The following FRYL variants were observed in gnomAD, a reference collection of about 807,000 sequenced individuals.
FRYL encodes FRY like transcription coactivator.
Under a neutral mutation model 351.2 loss-of-function variants are expected in FRYL, and 150 were observed. That is an observed-to-expected ratio of 0.43 (90% CI 0.37 to 0.49). The LOEUF is 0.49. FRYL is among the 20% of genes least tolerant of loss of function. FRYL has a pLI of 0.00. For missense variants in FRYL, 3,036 were observed against 3,619.3 expected (o/e 0.84, Z 4.13); for synonymous variants, 1,153 against 1,257.1 (o/e 0.92, Z 1.75).
chr4:48,648,716 T>C (rs1291344721), intron 3 of FRYL, among the ~76,000 whole-genome samples: 1 of 152,196 alleles, frequency 6.6e-6, no homozygotes, highest in Non-Finnish European at 1.5e-5. Context: ...ATACATGTTA[T>C]GACATAAATG....
intron 47 of FRYL, 132 bp from the exon 48 acceptor site, chr4:48,535,959 G>A (rs1026450681): frequency 2.3e-5 from 15 of 653,380 alleles, no homozygotes; most frequent in South Asian, 1.6e-4. Context: ...ACTTCAATAC[G>A]TTAGAAAAGT....
chr4:48,586,627 A>G lies in FRYL; in HGVS notation c.1742T>C (p.Leu581Ser). Residue 581 changes from leucine (L) to serine (S), a missense_variant, in exon 19 of 64, where the codon TTA becomes TCA. Around this residue, in one of 7 missense-constraint regions of FRYL, gnomAD observed 78 missense variants for 106.6 expected, o/e 0.73. Coordinates refer to ENST00000358350, the MANE Select transcript of FRYL (RefSeq NM_015030.2). ...AACAGTAATTCTCATTTACCTTGCT[A>G]ACAATTCAATCAGGTCAGTTCTGCT... Reference protein sequence around the residue: ...GMSRTDLIELLARLTIHMDEE... With the variant: ...GMSRTDLIELSARLTIHMDEE... The G allele has an allele frequency of 6.2e-7, 1 of 1,603,842 alleles. No homozygotes were observed.
intron 27 of FRYL, among the ~76,000 whole-genome samples, chr4:48,569,553 C>T (rs1166121019): frequency 6.6e-6 from 1 of 152,202 alleles, no homozygotes; most frequent in East Asian, 1.9e-4. Context: ...CCTCCTTGGC[C>T]TCCCAAAGTG....
intron 1 of FRYL, among the ~76,000 whole-genome samples, chr4:48,741,575 T>C (rs1772078330): frequency 6.6e-6 from 1 of 151,918 alleles, no homozygotes; most frequent in Non-Finnish European, 1.5e-5. Flanking sequence ...TGGTTGGACA[T>C]GACTGTAGTC....
intron 4 of FRYL, among the ~76,000 whole-genome samples, chr4:48,630,394 T>G (rs1368843076): frequency 6.6e-6 from 1 of 152,066 alleles, no homozygotes; most frequent in East Asian, 1.9e-4. Context: ...TCAAAAAAAA[T>G]AGTGAAAATT....
intron 3 of FRYL, among the ~76,000 whole-genome samples, chr4:48,639,169 C>T (rs1158220080): frequency 2.0e-5 from 3 of 151,646 alleles, no homozygotes; most frequent in African/African-American, 7.3e-5. Flanking sequence ...AGGTCTACCC[C>T]CCAAGTTAAT....
rs768127961 is a variant in FRYL, at chr4:48,620,603, AAT to A, written c.314+34_314+35del. On this transcript the variant is annotated intron_variant, in intron 6 of 63. Transcript: ENST00000358350. ...ATCACCCCTTCATTGGAAGTGTGTT[AAT>A]TCCAGGTGAAACAGTGTAAAATAAA... 1.9e-6 allele frequency: 3 copies of A among 1,569,498 alleles called. No homozygotes were observed. In the Admixed American group the frequency reaches 5.3e-5, roughly 28 times the overall value.
chr4:48,607,748 T>G (rs1747168242), intron 9 of FRYL, among the ~76,000 whole-genome samples: 1 of 152,196 alleles, frequency 6.6e-6, no homozygotes, highest in African/African-American at 2.4e-5. Flanking sequence ...TTAGTATTGC[T>G]CTAAAGTGGC....
chr4:48,678,211 G>T (rs1764039261), intron 3 of FRYL, among the ~76,000 whole-genome samples: 1 of 152,110 alleles, frequency 6.6e-6, no homozygotes, highest in Non-Finnish European at 1.5e-5. Flanking sequence ...GGCCAACATG[G>T]TGAAAATGAT....
intron 53 of FRYL, among the ~76,000 whole-genome samples, chr4:48,525,863 T>G (rs1726054964): frequency 6.6e-6 from 1 of 151,964 alleles, no homozygotes; most frequent in Non-Finnish European, 1.5e-5. Context: ...GTGTATGAGC[T>G]GTATATGAGT....
chr4:48,658,838 A>C (rs1474901898), intron 3 of FRYL, among the ~76,000 whole-genome samples: 2 of 118,704 alleles, frequency 1.7e-5, no homozygotes, highest in Admixed American at 9.2e-5. Flanking sequence ...TTACCACCAC[A>C]CATGAAATAT....
chr4:48,538,795 A>G (rs1729469092), intron 47 of FRYL, among the ~76,000 whole-genome samples: 1 of 152,022 alleles, frequency 6.6e-6, no homozygotes, highest in African/African-American at 2.4e-5. Flanking sequence ...CAGTTCACCA[A>G]ATTTCCTATT....
At chr4:48,547,546 A>G in intron 41 of FRYL, 38 bp downstream of exon 41, 1 of 1,241,198 alleles carries the variant, frequency 8.1e-7, no homozygotes, top group Non-Finnish European at 1.1e-6. Flanking sequence ...TTAATAAAGT[A>G]TAATTCTACT....
intron 15 of FRYL, among the ~76,000 whole-genome samples, chr4:48,595,089 A>T (rs1744330722): frequency 6.6e-6 from 1 of 152,238 alleles, no homozygotes; most frequent in Non-Finnish European, 1.5e-5. Flanking sequence ...TAGCAGATGC[A>T]GCATGATTCT....
chr4:48,699,777 G>A (rs1766545765), intron 2 of FRYL, among the ~76,000 whole-genome samples: 1 of 135,992 alleles, frequency 7.4e-6, no homozygotes, highest in Admixed American at 8.4e-5. Flanking sequence ...TATTTTGAGA[G>A]AATATTTGGC....
chr4:48,699,282 G>C (rs1481673263), intron 2 of FRYL, among the ~76,000 whole-genome samples: 1 of 152,100 alleles, frequency 6.6e-6, no homozygotes, highest in Admixed American at 6.6e-5. Context: ...AAAAGCTAGA[G>C]AACTCTCAAA....
chr4:48,552,070 C>T (rs1732891827), intron 36 of FRYL, among the ~76,000 whole-genome samples: 1 of 152,070 alleles, frequency 6.6e-6, no homozygotes, highest in Non-Finnish European at 1.5e-5. Flanking sequence ...AACTAGGGCA[C>T]GCCATGTACT....
rs529976704 is a variant in FRYL, at chr4:48,612,098, T to G, written c.412-2275A>C. The stretch of plus-strand genomic sequence containing the variant: ...CTTACTAAATAACCATTACATTCCA[T>G]TAGTTTTCTGCATATATTTACCTTC... On this transcript the variant is annotated intron_variant, in intron 7 of 63. Transcript: ENST00000358350. Among the ~76,000 whole-genome samples, 32 of 152,336 alleles carry G rather than the reference T, an allele frequency of 2.1e-4. No individual in the cohort carries two copies. The East Asian group carries it at 6.0e-3, about 28-fold the overall frequency.
chr4:48,550,465 A>G (rs1732460218), intron 38 of FRYL, 127 bp downstream of exon 38: 1 of 616,282 alleles, frequency 1.6e-6, no homozygotes, highest in South Asian at 2.4e-5. Context: ...ATGTTGGAAC[A>G]CCACTAGTGG....
Sources: allele counts gnomAD v4.1 joint callset (sites outside exome capture counted in the v4.1 genomes callset), GRCh38; gene constraint gnomAD v4.1.1; regional missense constraint gnomAD v4.1.1; transcripts MANE v1.5; gene names NCBI Gene and HGNC (gene_info 2026-07-23, HGNC 2026-07-21).